The following RIMS2 variants were observed in gnomAD, a reference collection of about 807,000 sequenced individuals.
RIMS2 encodes regulating synaptic membrane exocytosis protein 2.
A neutral mutation model predicts 174.4 loss-of-function variants in RIMS2; 59 were observed. The observed-to-expected ratio is 0.34, with a 90% confidence interval of 0.27 to 0.42. RIMS2 has a LOEUF of 0.42. RIMS2 is among the 10% of genes least tolerant of loss of function. RIMS2 has a pLI of 1.00. For missense variants in RIMS2, 1,620 were observed against 1,666.3 expected, an observed-to-expected ratio of 0.97 and a Z score of 0.48; for synonymous variants, 606 against 572.5, an observed-to-expected ratio of 1.06 and a Z score of -0.84.
At position 103,629,162 on chromosome 8, in the gene RIMS2, A is replaced by G. The variant is rs188972566; in HGVS notation, c.177-67924A>G. On this transcript the variant is annotated intron_variant, in intron 1 of 23. Transcript: ENST00000504942. ...CTGACTCAACTGGGTGCTGCAGCCA[A>G]CAGATTGTGGATAGACCCTCTCCTC... 2.8e-3 allele frequency among the ~76,000 whole-genome samples: 419 copies of G among 152,278 alleles called. 4 individuals are homozygous for G. The highest frequency in any genetic ancestry group is 9.7e-3 in the African/African-American group (405 of 41,564).
intron 3 of RIMS2, among the ~76,000 whole-genome samples, chr8:103,821,351 G>A (rs2098750533): frequency 6.6e-6 from 1 of 151,542 alleles, no homozygotes; most frequent in African/African-American, 2.4e-5. Flanking sequence ...GACCAGTATG[G>A]TTTAACTTAT....
chr8:103,630,120 T>C (rs1415553669), intron 1 of RIMS2, among the ~76,000 whole-genome samples: 1 of 143,510 alleles, frequency 7.0e-6, no homozygotes, highest in Non-Finnish European at 1.5e-5. Context: ...AGACACATCA[T>C]AATCAAATTT....
chr8:103,931,453 T>C lies in RIMS2; in HGVS notation c.2375+60T>C, dbSNP rs560781442. Reference sequence around the variant, plus strand: ...ATAAATGAGAAAATGTTCATAGCAATGGGTATTTCAATTCTGTATCATTTA... The same window carrying C: ...ATAAATGAGAAAATGTTCATAGCAACGGGTATTTCAATTCTGTATCATTTA... On this transcript the variant is annotated intron_variant, in intron 12 of 23. Coordinates refer to ENST00000504942, the Ensembl canonical transcript of RIMS2. 45 of 1,193,236 alleles carry C rather than the reference T, an allele frequency of 3.8e-5. No individual in the cohort carries two copies. The East Asian group carries it at 1.0e-3, about 27-fold the overall frequency. The allele number at this position is 1,193,236 out of a possible 1,614,324, so 73.9% of individuals were successfully genotyped here.
intron 19 of RIMS2, among the ~76,000 whole-genome samples, chr8:104,160,671 T>TC (rs2098755631): frequency 6.6e-6 from 1 of 152,196 alleles, no homozygotes; most frequent in South Asian, 2.1e-4. Flanking sequence ...TTTAATCATT[T>TC]CCCTAAGTCA....
rs1554653614 is a variant in RIMS2 at position 103,587,458 on chromosome 8, A to AAGAAAGAAAGAAAGAAAGAG, written c.176+86409_176+86410insGAAAGAGAGAAAGAAAGAAA. Among the ~76,000 whole-genome samples, 3 of 115,998 alleles carry AAGAAAGAAAGAAAGAAAGAG rather than the reference A, an allele frequency of 2.6e-5. No homozygotes were observed. In the East Asian group the frequency reaches 6.1e-4, roughly 23 times the overall value. The allele number at this position is 115,998 out of a possible 152,430, so 76.1% of individuals were successfully genotyped here. A position where few individuals can be genotyped will look rare whatever the true frequency, so the allele number is the denominator to read the frequency against. On this transcript the variant is annotated intron_variant, in intron 1 of 23. Coordinates refer to ENST00000504942, the Ensembl canonical transcript of RIMS2. ...AAAGAAAGAAAGAAAGAAAGAAAGA[A>AAGAAAGAAAGAAAGAAAGAG]AGAAAGAAAGAAACTATGCACCAAT...
At chr8:104,124,209 C>T (rs1485131186) in intron 19 of RIMS2, among the ~76,000 whole-genome samples, 2 of 151,998 alleles carry the variant, frequency 1.3e-5, no homozygotes, top group Non-Finnish European at 2.9e-5. Flanking sequence ...TCTAGATATA[C>T]TAAGAACTAA....
rs563441045 is a variant in RIMS2 at position 103,792,987 on chromosome 8, G to A, written c.698+26450G>A. On this transcript the variant is annotated intron_variant, in intron 3 of 23. Transcript: ENST00000504942. Reference sequence around the variant, plus strand: ...TCCAGGACCAGATGGATTCACAGCCGAATTCTACCAGAGGTACAAAGATGA... The same window carrying A: ...TCCAGGACCAGATGGATTCACAGCCAAATTCTACCAGAGGTACAAAGATGA... Among the ~76,000 whole-genome samples, 114 of 152,132 alleles carry A rather than the reference G, an allele frequency of 7.5e-4. 1 individual carries two copies. The highest frequency in any genetic ancestry group is 4.2e-3 in the Admixed American group (64 of 15,276).
At chr8:104,058,978 A>G (rs2096925903) in intron 19 of RIMS2, among the ~76,000 whole-genome samples, 1 of 151,914 alleles carries the variant, frequency 6.6e-6, no homozygotes. Flanking sequence ...GTAGCCTTGT[A>G]GTATAGTTTG....
chr8:103,540,651 A>G (rs1188528181), intron 1 of RIMS2, among the ~76,000 whole-genome samples: 2 of 152,222 alleles, frequency 1.3e-5, no homozygotes, highest in East Asian at 3.8e-4. Flanking sequence ...CTAATTTTCC[A>G]CTAACTAATG....
intron 1 of RIMS2, among the ~76,000 whole-genome samples, chr8:103,540,818 ACAAG>A (rs898607181): frequency 3.9e-5 from 6 of 152,186 alleles, no homozygotes; most frequent in Admixed American, 3.3e-4. Context: ...TTGTAAATAA[ACAAG>A]CAAACAAACA....
rs143625768 is a variant in RIMS2, at chr8:104,247,898, T to C, written c.3477-803T>C. ...AAAACCATGAGACTGGATGAGATTA[T>C]CAAGGGAATTCAGACATAGAAAAAA... On this transcript the variant is annotated intron_variant, in intron 20 of 23. Coordinates refer to ENST00000504942, the Ensembl canonical transcript of RIMS2. Among the ~76,000 whole-genome samples the C allele has an allele frequency of 3.0e-4, 46 of 152,258 alleles. No individual in the cohort carries two copies. The East Asian group carries it at 7.7e-3, about 26-fold the overall frequency.
intron 3 of RIMS2, among the ~76,000 whole-genome samples, chr8:103,863,443 G>A (rs531793373): frequency 9.9e-5 from 15 of 152,160 alleles, no homozygotes; most frequent in African/African-American, 3.4e-4. Flanking sequence ...TTGGTATTAG[G>A]CTGATGCTGG....
chr8:103,984,224 A>G (rs1262634735), intron 16 of RIMS2, among the ~76,000 whole-genome samples: 1 of 152,156 alleles, frequency 6.6e-6, no homozygotes, highest in Non-Finnish European at 1.5e-5. Context: ...TATCAAGTTA[A>G]AAAGCTTCTG....
chr8:103,686,999 C>T (rs1269071433), intron 1 of RIMS2, among the ~76,000 whole-genome samples: 1 of 152,074 alleles, frequency 6.6e-6, no homozygotes, highest in Non-Finnish European at 1.5e-5. Context: ...ATCCTGTTTT[C>T]TGGGAGAGAC....
intron 19 of RIMS2, among the ~76,000 whole-genome samples, chr8:104,080,802 C>T (rs141219509): frequency 4.6e-5 from 7 of 152,006 alleles, no homozygotes; most frequent in Non-Finnish European, 7.4e-5. Flanking sequence ...ATAAATATAA[C>T]GTTTTATTAA....
chr8:103,756,979 CTGTGTGTGTGTG>C (rs71575983), intron 2 of RIMS2, among the ~76,000 whole-genome samples: 2 of 134,960 alleles, frequency 1.5e-5, no homozygotes, highest in African/African-American at 2.7e-5. Context: ...GTGTGTGTGT[CTGTGTGTGTGTG>C]TGTGTGTGTG....
intron 19 of RIMS2, among the ~76,000 whole-genome samples, chr8:104,166,252 G>C (rs2098797357): frequency 6.6e-6 from 1 of 151,324 alleles, no homozygotes; most frequent in Admixed American, 6.6e-5. Flanking sequence ...ATTTTTAGTA[G>C]AGGCGGGGTT....
intron 19 of RIMS2, among the ~76,000 whole-genome samples, chr8:104,233,151 G>C (rs1328335653): frequency 1.3e-5 from 2 of 152,144 alleles, no homozygotes; most frequent in Admixed American, 1.3e-4. Context: ...TTTTTCTGCA[G>C]ATTTGACCAC....
intron 1 of RIMS2, among the ~76,000 whole-genome samples, chr8:103,666,469 C>G (rs949297989): frequency 6.6e-6 from 1 of 152,140 alleles, no homozygotes; most frequent in African/African-American, 2.4e-5. Flanking sequence ...TACTTGGTCT[C>G]AAATCTCACT....
Sources: gnomAD v4.1 joint callset for allele counts (sites outside exome capture counted in the v4.1 genomes callset) on GRCh38, gnomAD v4.1.1 for gene constraint, MANE v1.5 for transcripts, NCBI Gene and HGNC (gene_info 2026-07-23, HGNC 2026-07-21) for gene names.